Variants in PLCZ1 observed in about 807,000 individuals in gnomAD.
PLCZ1 encodes phospholipase C zeta 1.
In PLCZ1, 64 loss-of-function variants were observed where a neutral mutation model predicts 76.8. That is an observed-to-expected ratio of 0.83 (90% CI 0.68 to 1.03). The LOEUF is 1.03. PLCZ1 is among the 50% of genes least tolerant of loss of function. The probability of loss-of-function intolerance (pLI) is 0.00; values close to 1 mark genes in which losing one functional copy is unlikely to be tolerated. For synonymous variants in PLCZ1, 248 were observed against 230.8 expected (o/e 1.07, Z -0.68); for missense variants, 751 against 713.7 (o/e 1.05, Z -0.60).
chr12:18,654,172 C>T, the PLCZ1 span, among the ~76,000 whole-genome samples: 1 of 151,642 alleles, frequency 6.6e-6, no homozygotes, highest in Non-Finnish European at 1.5e-5. Context: ...ATGCTAGTAG[C>T]TGGAAGAGAT....
At chr12:18,723,263 A>C in intron 4 of PLCZ1, 48 bp downstream of exon 4, 1 of 1,493,376 alleles carries the variant, frequency 6.7e-7, no homozygotes, top group Non-Finnish European at 9.1e-7. Flanking sequence ...AAAAGAAAAA[A>C]TACTTCACAT....
At chr12:18,711,956 T>G (rs568543091) in intron 6 of PLCZ1, among the ~76,000 whole-genome samples, 1 of 152,298 alleles carries the variant, frequency 6.6e-6, no homozygotes, top group African/African-American at 2.4e-5. Flanking sequence ...ATATTTATTT[T>G]GTACTCCATT....
intron 12 of PLCZ1, among the ~76,000 whole-genome samples, chr12:18,690,249 C>A (rs979157215): frequency 1.3e-5 from 2 of 152,064 alleles, no homozygotes; most frequent in Non-Finnish European, 2.9e-5. Context: ...TTGAGACGAA[C>A]TTTGGCTCTT....
intron 7 of PLCZ1, among the ~76,000 whole-genome samples, chr12:18,702,491 T>A (rs1956079323): frequency 6.6e-6 from 1 of 152,162 alleles, no homozygotes; most frequent in Admixed American, 6.5e-5. Flanking sequence ...GGTTATAAAG[T>A]AAAGTTCTTT....
chr12:18,682,329 T>G (rs1952497403), downstream of PLCZ1, among the ~76,000 whole-genome samples: 1 of 152,040 alleles, frequency 6.6e-6, no homozygotes, highest in African/African-American at 2.4e-5. Context: ...ATTATTTTAG[T>G]TATTAGTTAG....
intron 3 of PLCZ1, among the ~76,000 whole-genome samples, chr12:18,727,433 C>T (rs1434692530): frequency 6.6e-6 from 1 of 151,982 alleles, no homozygotes; most frequent in Non-Finnish European, 1.5e-5. Context: ...CCTGGAGGGT[C>T]AAAGGAGAAT....
chr12:18,723,622 TGTA>T (rs529130884), intron 3 of PLCZ1, 80 bp from the exon 4 acceptor site: 2 of 1,063,644 alleles, frequency 1.9e-6, no homozygotes, highest in East Asian at 2.5e-5. Context: ...TTATGTAACA[TGTA>T]GTAATTTATA....
chr12:18,697,123 C>T (rs868076363), intron 10 of PLCZ1, among the ~76,000 whole-genome samples: 5 of 152,068 alleles, frequency 3.3e-5, no homozygotes, highest in African/African-American at 1.2e-4. Flanking sequence ...TTTCATTAAA[C>T]AGATCCTGTT....
the PLCZ1 span, among the ~76,000 whole-genome samples, chr12:18,660,629 G>A: frequency 9.9e-5 from 15 of 152,098 alleles, no homozygotes; most frequent in South Asian, 2.1e-4. Context: ...ACCTCAGGCT[G>A]GTCCTTGGCA....
downstream of PLCZ1, among the ~76,000 whole-genome samples, chr12:18,681,267 A>C (rs1952386735): frequency 6.6e-6 from 1 of 152,042 alleles, no homozygotes; most frequent in Non-Finnish European, 1.5e-5. Flanking sequence ...AATATAACCT[A>C]ATCTAGCAGA....
chr12:18,714,299 T>G (rs567568690), intron 5 of PLCZ1, among the ~76,000 whole-genome samples: 1 of 152,324 alleles, frequency 6.6e-6, no homozygotes, highest in East Asian at 1.9e-4. Flanking sequence ...AGCTAATATG[T>G]GCCAACCACA....
intron 6 of PLCZ1, among the ~76,000 whole-genome samples, chr12:18,705,720 G>T (rs1261602258): frequency 6.7e-6 from 1 of 150,086 alleles, no homozygotes; most frequent in African/African-American, 2.5e-5. Flanking sequence ...ACAAAAATTA[G>T]CCAGGTGTGG....
chr12:18,693,176 C>T, intron 12 of PLCZ1: 1 of 1,548,132 alleles, frequency 6.5e-7, no homozygotes, highest in South Asian at 1.1e-5. Context: ...AACACTACAT[C>T]AGCATTCTTT....
chr12:18,681,168 G>A (rs1266745165), downstream of PLCZ1, among the ~76,000 whole-genome samples: 1 of 151,936 alleles, frequency 6.6e-6, no homozygotes, highest in Non-Finnish European at 1.5e-5. Flanking sequence ...TGAGCTCCAC[G>A]GCAGCTCCTA....
At chr12:18,734,608 C>T (rs1299590790) in intron 3 of PLCZ1, among the ~76,000 whole-genome samples, 1 of 152,198 alleles carries the variant, frequency 6.6e-6, no homozygotes. Flanking sequence ...GCCTCAGCCT[C>T]CCAAAGTGCT....
chr12:18,700,512 C>CAAAAAAAAAAAA lies in PLCZ1; in HGVS notation c.1018-574_1018-563dup, dbSNP rs11324526. Among the ~76,000 whole-genome samples, 78 of 67,854 alleles carry CAAAAAAAAAAAA rather than the reference C, an allele frequency of 1.1e-3. 2 individuals are homozygous for CAAAAAAAAAAAA. The highest frequency in any genetic ancestry group is 2.0e-3 in the Admixed American group (8 of 3,976). The allele number at this position is 67,854 out of a possible 152,430, so 44.5% of individuals were successfully genotyped here. On this transcript the variant is annotated intron_variant, in intron 9 of 14. Coordinates refer to ENST00000266505, the MANE Select transcript of PLCZ1 (RefSeq NM_033123.4). ...GCATAACCAGATCAGAGCCAACGTA[C>CAAAAAAAAAAAA]AAAAAAAAAAAAAAAAAAAAAAAAT...
At chr12:18,732,948 A>G (rs985625130) in intron 3 of PLCZ1, among the ~76,000 whole-genome samples, 1 of 152,168 alleles carries the variant, frequency 6.6e-6, no homozygotes, top group East Asian at 1.9e-4. Flanking sequence ...ATATCTCTTG[A>G]TTTCAATTCC....
intron 7 of PLCZ1, 150 bp from the exon 8 acceptor site, chr12:18,701,926 C>T: frequency 3.4e-6 from 4 of 1,163,438 alleles, no homozygotes; most frequent in Non-Finnish European, 4.7e-6. Context: ...CTATTCACAT[C>T]TCAGTAGAGG....
At chr12:18,647,990 A>G in the PLCZ1 span, 20 of 1,597,844 alleles carry the variant, frequency 1.3e-5, no homozygotes, top group South Asian at 2.3e-4. Flanking sequence ...CCCACTCGAT[A>G]AAGAAAAATG....
Sources: allele counts gnomAD v4.1 joint callset (sites outside exome capture counted in the v4.1 genomes callset), GRCh38; gene constraint gnomAD v4.1.1; transcripts MANE v1.5; gene names NCBI Gene and HGNC (gene_info 2026-07-23, HGNC 2026-07-21).